UGGT2: variants seen among roughly 807,000 people sequenced by gnomAD.
The protein encoded by UGGT2 is UDP-glucose:glycoprotein glucosyltransferase 2.
A neutral mutation model predicts 192.1 loss-of-function variants in UGGT2; 180 were observed. That is an observed-to-expected ratio of 0.94 (90% CI 0.83 to 1.06). The LOEUF is 1.06. UGGT2 is among the 50% of genes least tolerant of loss of function. The probability of loss-of-function intolerance (pLI) is 0.00; values close to 1 mark genes in which losing one functional copy is unlikely to be tolerated. For missense variants in UGGT2, 1,849 were observed against 1,795.7 expected (o/e 1.03, Z -0.54); for synonymous variants, 580 against 591.0 (o/e 0.98, Z 0.27).
At chr13:95,852,899 A>C (rs1395809825) in intron 36 of UGGT2, among the ~76,000 whole-genome samples, 1 of 152,152 alleles carries the variant, frequency 6.6e-6, no homozygotes, top group African/African-American at 2.4e-5. Flanking sequence ...GAAAAGAGTA[A>C]GAAAAAAGAG....
At chr13:95,939,901 T>C in intron 16 of UGGT2, 56 bp downstream of exon 16, 1 of 1,353,032 alleles carries the variant, frequency 7.4e-7, no homozygotes, top group East Asian at 2.6e-5. Context: ...AGAGATCATG[T>C]GGTGTTTGTC....
intron 20 of UGGT2, among the ~76,000 whole-genome samples, chr13:95,907,523 G>A (rs2048331640): frequency 6.6e-6 from 1 of 152,156 alleles, no homozygotes; most frequent in South Asian, 2.1e-4. Context: ...CCTCATATAG[G>A]CAGCTGCCCC....
At chr13:95,843,374 A>G (rs1888064831) in intron 36 of UGGT2, among the ~76,000 whole-genome samples, 1 of 152,182 alleles carries the variant, frequency 6.6e-6, no homozygotes, top group Non-Finnish European at 1.5e-5. Context: ...AATGATGTTT[A>G]GCATCTTTTC....
chr13:96,029,957 C>T (rs1037785341), intron 2 of UGGT2, among the ~76,000 whole-genome samples: 6 of 152,104 alleles, frequency 3.9e-5, no homozygotes, highest in African/African-American at 1.2e-4. Flanking sequence ...GGATACTTGA[C>T]ATTAACCATG....
intron 5 of UGGT2, among the ~76,000 whole-genome samples, chr13:96,010,897 G>A (rs1162978139): frequency 6.6e-6 from 1 of 152,214 alleles, no homozygotes; most frequent in Admixed American, 6.5e-5. Flanking sequence ...ATCAAGCAGT[G>A]TAGTATTGAT....
intron 30 of UGGT2, among the ~76,000 whole-genome samples, chr13:95,865,863 T>C (rs192233615): frequency 2.6e-4 from 40 of 152,234 alleles, no homozygotes; most frequent in African/African-American, 8.7e-4. Flanking sequence ...TAAAGTGCTT[T>C]ATCTTATCTT....
chr13:95,836,689 T>C (rs1159229572), intron 37 of UGGT2, among the ~76,000 whole-genome samples: 1 of 152,142 alleles, frequency 6.6e-6, no homozygotes, highest in Non-Finnish European at 1.5e-5. Context: ...TTCACACTGG[T>C]TGTGGAATCT....
At chr13:95,877,245 G>T (rs779607898) in intron 29 of UGGT2, 34 bp downstream of exon 29, 2 of 1,478,198 alleles carry the variant, frequency 1.4e-6, no homozygotes, top group Admixed American at 4.5e-5. Flanking sequence ...ACGTATTTAT[G>T]TGTAAAAATT....
rs575709486 is a variant in UGGT2, at chr13:95,851,843, T to C, written c.4284+1700A>G. ...AATGAATCCTTTCTTCAGTTGTCCA[T>C]AGGCAGATAACAGGCAACTTCATAG... On this transcript the variant is annotated intron_variant, in intron 36 of 38. Transcript: ENST00000376747. Among the ~76,000 whole-genome samples the C allele has an allele frequency of 3.3e-5, 5 of 152,286 alleles. No homozygotes were observed. The East Asian group carries it at 9.7e-4, about 29-fold the overall frequency.
At chr13:95,946,561 G>C (rs2049878164) in intron 15 of UGGT2, among the ~76,000 whole-genome samples, 1 of 152,006 alleles carries the variant, frequency 6.6e-6, no homozygotes, top group South Asian at 2.1e-4. Context: ...GGTAGAGACA[G>C]GGTCTCACTG....
At chr13:96,016,772 G>A (rs2052351345) in intron 4 of UGGT2, among the ~76,000 whole-genome samples, 1 of 152,226 alleles carries the variant, frequency 6.6e-6, no homozygotes, top group African/African-American at 2.4e-5. Flanking sequence ...CTGCCTAGTG[G>A]AGCTAGTGGA....
At chr13:96,020,994 G>T (rs185700205) in intron 4 of UGGT2, among the ~76,000 whole-genome samples, 6 of 152,312 alleles carry the variant, frequency 3.9e-5, no homozygotes, top group Non-Finnish European at 4.4e-5. Flanking sequence ...AGTCCCACAG[G>T]GGGTGACAAA....
chr13:96,000,489 T>TA (rs1320732497), intron 5 of UGGT2, among the ~76,000 whole-genome samples: 1 of 152,226 alleles, frequency 6.6e-6, no homozygotes, highest in Non-Finnish European at 1.5e-5. Context: ...ATATGAAAGA[T>TA]AGCATGTAGA....
At chr13:95,885,084 G>C (rs1267062499) in intron 26 of UGGT2, among the ~76,000 whole-genome samples, 1 of 152,114 alleles carries the variant, frequency 6.6e-6, no homozygotes, top group African/African-American at 2.4e-5. Flanking sequence ...AGAAATGGTA[G>C]GAAACAAATG....
intron 20 of UGGT2, among the ~76,000 whole-genome samples, chr13:95,909,496 G>A (rs897284862): frequency 4.7e-5 from 7 of 148,140 alleles, no homozygotes; most frequent in South Asian, 4.3e-4. Flanking sequence ...GTAAACTATC[G>A]CAAGAACAAA....
intron 9 of UGGT2, among the ~76,000 whole-genome samples, chr13:95,986,107 C>T (rs1217441274): frequency 1.3e-5 from 2 of 151,120 alleles, no homozygotes; most frequent in African/African-American, 4.9e-5. Context: ...TTCCTATTTG[C>T]CTCTAACAAG....
rs537389580 is a variant in UGGT2 at position 95,976,139 on chromosome 13, T to A, written c.1093-3468A>T. Among the ~76,000 whole-genome samples, 3 of 152,176 alleles carry A rather than the reference T, an allele frequency of 2.0e-5. No homozygotes were observed. The South Asian group carries it at 6.2e-4, about 32-fold the overall frequency. On this transcript the variant is annotated intron_variant, in intron 10 of 38. Coordinates refer to ENST00000376747, the MANE Select transcript of UGGT2 (RefSeq NM_020121.4). ...ACCATCGTTCTACTCTCTACCTCCA[T>A]GAGATCAGTGTTTTTAGCTCTCACA...
chr13:95,876,771 T>C (rs1891719162), intron 29 of UGGT2: 1 of 152,474 alleles, frequency 6.6e-6, no homozygotes, highest in Non-Finnish European at 1.5e-5. Flanking sequence ...GGTAGTTTCA[T>C]GTGTGGAGTG....
At chr13:95,967,189 TG>T (rs2050609008) in intron 12 of UGGT2, among the ~76,000 whole-genome samples, 1 of 151,742 alleles carries the variant, frequency 6.6e-6, no homozygotes, top group African/African-American at 2.4e-5. Flanking sequence ...AGTCTTGCTC[TG>T]TTGCCAGGCT....
Sources: allele counts gnomAD v4.1 joint callset (sites outside exome capture counted in the v4.1 genomes callset), GRCh38; gene constraint gnomAD v4.1.1; transcripts MANE v1.5; gene names NCBI Gene and HGNC (gene_info 2026-07-23, HGNC 2026-07-21).